The following NFATC2IP variants were observed in gnomAD, a reference collection of about 807,000 sequenced individuals.
The protein encoded by NFATC2IP is nuclear factor of activated T cells 2 interacting protein.
In NFATC2IP, 25 loss-of-function variants were observed where a neutral mutation model predicts 40.2. That is an observed-to-expected ratio of 0.62 (90% CI 0.45 to 0.87). NFATC2IP has a LOEUF of 0.87. NFATC2IP is among the 40% of genes least tolerant of loss of function. The pLI, the probability that NFATC2IP is intolerant of heterozygous loss-of-function variation, is 0.00. For missense variants in NFATC2IP, 553 were observed against 555.6 expected, an observed-to-expected ratio of 1.00 and a Z score of 0.05; for synonymous variants, 241 against 236.3, an observed-to-expected ratio of 1.02 and a Z score of -0.18.
Position 28,964,384 on chromosome 16 carries a change from C to G in NFATC2IP, c.*521C>G, listed in dbSNP as rs889661477. The G allele has an allele frequency of 1.9e-5, 3 of 156,034 alleles. No individual in the cohort carries two copies. The highest frequency in any genetic ancestry group is 7.2e-5 in the African/African-American group (3 of 41,486). 9.7% of individuals were successfully genotyped at this position (156,034 alleles called of 1,614,324 possible). ...AAATGACCAAGCTCACACATGCTGG[C>G]TGAAGCGTAAGCAGACAACTGAGGT... On this transcript the variant is annotated 3_prime_UTR_variant, in exon 8 of 8. Transcript: ENST00000320805.
At chr16:28,959,571 ATTTTTT>A (rs61432973) in intron 7 of NFATC2IP, among the ~76,000 whole-genome samples, 1 of 114,644 alleles carries the variant, frequency 8.7e-6, no homozygotes, top group Non-Finnish European at 1.7e-5. Context: ...TGGTGCAGTC[ATTTTTT>A]TTTTTTTTTT....
Position 28,956,301 on chromosome 16 carries a change from T to C in NFATC2IP, c.810T>C (p.Arg270=), listed in dbSNP as rs528905320. The stretch of plus-strand genomic sequence containing the variant: ...CCCGACTCTTCCCACTCAAAATCCG[T>C]TGCCGGGCTGACCTGGTCAGATTGC... ...ETPRLFPLKI[R]CRADLVRLPL... is the part of the protein sequence containing the mutation. Residue 270 remains arginine, a synonymous_variant, in exon 5 of 8, where the codon CGT becomes CGC. Coordinates refer to ENST00000320805, the MANE Select transcript of NFATC2IP (RefSeq NM_032815.4). 1.2e-6 allele frequency: 2 copies of C among 1,614,016 alleles called. No individual in the cohort carries two copies. The highest frequency in any genetic ancestry group is 1.7e-6 in the Non-Finnish European group (2 of 1,179,950).
Position 28,959,021 on chromosome 16 carries a change from C to T in NFATC2IP, c.1022C>T (p.Ala341Val), listed in dbSNP as rs147612639. The change falls in exon 7 of 8, where the codon GCC (alanine) becomes GTC (valine). Residue 341 changes from alanine (A) to valine (V), a missense_variant. Transcript: ENST00000320805. ...DCVVLTSSPE[A>V]TETSQQLQLR... ...GTGGTACTAACAAGTTCTCCAGAGG[C>T]CACAGAGACGTCCCAACAGCTCCAG... The T allele has an allele frequency of 1.3e-3, 2,093 of 1,613,944 alleles. No homozygotes were observed. The highest frequency in any genetic ancestry group is 1.5e-3 in the Non-Finnish European group (1,753 of 1,179,806).
At position 28,964,451 on chromosome 16, in the gene NFATC2IP, G is replaced by A. The variant is rs896803612; in HGVS notation, c.*588G>A. The A allele has an allele frequency of 2.6e-5, 4 of 153,272 alleles. No individual in the cohort carries two copies. The highest frequency in any genetic ancestry group is 9.7e-5 in the African/African-American group (4 of 41,408). The allele number at this position is 153,272 out of a possible 1,614,324, so 9.5% of individuals were successfully genotyped here. ...AAGGTGGTGGATTCTCAGCCCTGGG[G>A]GTCTTCCTCACCTGAGGACCCTTCA... is the stretch of plus-strand genomic sequence containing the variant. On this transcript the variant is annotated 3_prime_UTR_variant, in exon 8 of 8. Coordinates refer to ENST00000320805, the MANE Select transcript of NFATC2IP (RefSeq NM_032815.4).
chr16:28,961,682 C>T lies in NFATC2IP; in HGVS notation c.1102-2023C>T, dbSNP rs191332133. 2.5e-3 allele frequency among the ~76,000 whole-genome samples: 386 copies of T among 151,934 alleles called. 3 individuals are homozygous for T. The highest frequency in any genetic ancestry group is 8.6e-3 in the African/African-American group (358 of 41,448). ...TTGGGAGGCTGAGGTGGGCGGATCA[C>T]GAGGTCAGGAGTTCAAGACCAGTCT... is the stretch of plus-strand genomic sequence containing the variant. On this transcript the variant is annotated intron_variant, in intron 7 of 7. Coordinates refer to ENST00000320805, the MANE Select transcript of NFATC2IP (RefSeq NM_032815.4).
chr16:28,964,020 T>A lies in NFATC2IP; in HGVS notation c.*157T>A. ...TGTCCCCTCTCCTGTTGACCCTGGTTTAGAGCCGTTAACCACTTGGTGAGT... is the reference window on the plus strand; with the variant it reads ...TGTCCCCTCTCCTGTTGACCCTGGTATAGAGCCGTTAACCACTTGGTGAGT... On this transcript the variant is annotated 3_prime_UTR_variant, in exon 8 of 8. Transcript: ENST00000320805. 1.5e-6 allele frequency: 1 copy of A among 685,454 alleles called. No individual in the cohort carries two copies. The highest frequency in any genetic ancestry group is 2.4e-6 in the Non-Finnish European group (1 of 413,020). 42.5% of individuals were successfully genotyped at this position (685,454 alleles called of 1,614,324 possible). A position where few individuals can be genotyped will look rare whatever the true frequency, so the allele number is the denominator to read the frequency against.
intron 7 of NFATC2IP, among the ~76,000 whole-genome samples, chr16:28,960,950 C>T (rs1965078566): frequency 6.6e-6 from 1 of 152,118 alleles, no homozygotes; most frequent in African/African-American, 2.4e-5. Context: ...TGTGAGCCTG[C>T]AGGGACATTC....
chr16:28,956,660 C>T (rs1965026148), intron 5 of NFATC2IP: 2 of 263,542 alleles, frequency 7.6e-6, no homozygotes, highest in Middle Eastern at 1.2e-3. Flanking sequence ...CTCAAGTGAT[C>T]GTCCCTCATT....
chr16:28,958,403 G>C (rs370402963), intron 5 of NFATC2IP: 1 of 232,540 alleles, frequency 4.3e-6, no homozygotes, highest in African/African-American at 2.3e-5. Flanking sequence ...ACTGGCCCAC[G>C]TTCCCACACA....
intron 3 of NFATC2IP, among the ~76,000 whole-genome samples, chr16:28,955,360 T>G (rs1034082372): frequency 3.3e-5 from 5 of 152,148 alleles, no homozygotes; most frequent in African/African-American, 1.2e-4. Context: ...GTGAATCACT[T>G]GAGCCCAGGA....
intron 3 of NFATC2IP, 84 bp downstream of exon 3, chr16:28,954,766 C>A: frequency 5.2e-6 from 4 of 772,616 alleles, no homozygotes; most frequent in Non-Finnish European, 8.9e-6. Flanking sequence ...TCTTGGGTGA[C>A]TCCTGAAAGG....
rs1567515794 is a variant in NFATC2IP, at chr16:28,967,036, T to C, written c.*3173T>C. ...GCTTTTTAAATGTCCATTAATAAGT[T>C]TGAATACGTTAAAATTATATGTTTA... On this transcript the variant is annotated 3_prime_UTR_variant, in exon 8 of 8. Coordinates refer to ENST00000320805, the MANE Select transcript of NFATC2IP (RefSeq NM_032815.4). 6.6e-6 allele frequency: 1 copy of C among 152,184 alleles called. No individual in the cohort carries two copies. The allele number at this position is 152,184 out of a possible 1,614,324, so 9.4% of individuals were successfully genotyped here. A position where few individuals can be genotyped will look rare whatever the true frequency, so the allele number is the denominator to read the frequency against.
In NFATC2IP at chr16:28,965,474, C is replaced by A. The variant is rs1965135318; in HGVS notation, c.*1611C>A. 1 of 152,128 alleles carries A rather than the reference C, an allele frequency of 6.6e-6. No individual in the cohort carries two copies. The highest frequency in any genetic ancestry group is 1.5e-5 in the Non-Finnish European group (1 of 68,056). The allele number at this position is 152,128 out of a possible 1,614,324, so 9.4% of individuals were successfully genotyped here. ...CTTTGGGAGGCCAAGGCGGGCAGAT[C>A]ATGAGGGCAGGAGATTGAGACCCTC... On this transcript the variant is annotated 3_prime_UTR_variant, in exon 8 of 8. Transcript: ENST00000320805.
chr16:28,954,092 A>G (rs1964994102), intron 2 of NFATC2IP, among the ~76,000 whole-genome samples: 1 of 152,066 alleles, frequency 6.6e-6, no homozygotes, highest in Non-Finnish European at 1.5e-5. Flanking sequence ...CCTGACTTCC[A>G]TCCCTGGGAA....
At chr16:28,958,909 A>G in intron 6 of NFATC2IP, 48 bp downstream of exon 6, 1 of 1,610,538 alleles carries the variant, frequency 6.2e-7, no homozygotes, top group Non-Finnish European at 8.5e-7. Context: ...TGCCAGGGGA[A>G]GGGGATATGG....
At chr16:28,958,044 A>C (rs191741976) in intron 5 of NFATC2IP, among the ~76,000 whole-genome samples, 2 of 151,740 alleles carry the variant, frequency 1.3e-5, no homozygotes, top group Non-Finnish European at 2.9e-5. Context: ...TCTGCCTCAG[A>C]TCTCACCTGA....
Position 28,964,669 on chromosome 16 carries a change from T to C in NFATC2IP, c.*806T>C, listed in dbSNP as rs1965123920. The stretch of plus-strand genomic sequence containing the variant: ...TTTGAATATGAATGTATTTGTAAAA[T>C]ACCACGTTTCATGTGTGAATATGTG... On this transcript the variant is annotated 3_prime_UTR_variant, in exon 8 of 8. Transcript: ENST00000320805. 1 of 152,382 alleles carries C rather than the reference T, an allele frequency of 6.6e-6. No individual in the cohort carries two copies. Among genetic ancestry groups the C allele is most frequent in the South Asian group, 2.1e-4 (1 of 4,838 alleles). The allele number at this position is 152,382 out of a possible 1,614,324, so 9.4% of individuals were successfully genotyped here.
rs555470547 is a variant in NFATC2IP at position 28,950,988 on chromosome 16, G to C, written c.-24G>C. 13 of 1,469,710 alleles carry C rather than the reference G, an allele frequency of 8.8e-6. No individual in the cohort carries two copies. In the South Asian group the frequency reaches 1.8e-4, roughly 20 times the overall value. 91.0% of individuals were successfully genotyped at this position (1,469,710 alleles called of 1,614,324 possible). ...CGGGGCGAGGCGAGAGGAGGCGGGC[G>C]TGTGTTGTGGAGGAAAGTGTGCCAT... On this transcript the variant is annotated 5_prime_UTR_variant, in exon 1 of 8. Coordinates refer to ENST00000320805, the MANE Select transcript of NFATC2IP (RefSeq NM_032815.4).
intron 7 of NFATC2IP, among the ~76,000 whole-genome samples, chr16:28,962,028 T>G (rs1965094202): frequency 6.6e-6 from 1 of 151,746 alleles, no homozygotes; most frequent in Non-Finnish European, 1.5e-5. Context: ...CTCAGCCTCC[T>G]GAGTAGTTGG....
Sources: allele counts gnomAD v4.1 joint callset (sites outside exome capture counted in the v4.1 genomes callset), GRCh38; gene constraint gnomAD v4.1.1; transcripts MANE v1.5; gene names NCBI Gene and HGNC (gene_info 2026-07-23, HGNC 2026-07-21).